The following LYRM4 variants were observed in gnomAD, a reference collection of about 807,000 sequenced individuals.
LYRM4 encodes the protein LYR motif containing 4, also known as LYR motif-containing protein 4.
In LYRM4, 9 loss-of-function variants were observed where a neutral mutation model predicts 11.7. That is an observed-to-expected ratio of 0.77 (90% CI 0.46 to 1.34). LYRM4 has a LOEUF of 1.34. Among genes scored for constraint, LYRM4 ranks in the 40% most tolerant of loss-of-function variants. LYRM4 has a pLI of 0.00. For synonymous variants in LYRM4, 42 were observed against 40.4 expected (o/e 1.04, Z -0.15); for missense variants, 133 against 112.5 (o/e 1.18, Z -0.82).
intron 1 of LYRM4, among the ~76,000 whole-genome samples, chr6:5,221,383 C>T (rs1581536927): frequency 6.6e-6 from 1 of 152,308 alleles, no homozygotes; most frequent in East Asian, 1.9e-4. Context: ...ATAGACTCTT[C>T]CAGTGAATAC....
the LYRM4 span, among the ~76,000 whole-genome samples, chr6:5,064,828 C>T: frequency 6.6e-6 from 1 of 152,082 alleles, no homozygotes; most frequent in East Asian, 1.9e-4. Flanking sequence ...TCACCTAAAA[C>T]ATTCATCGTT....
chr6:5,250,345 A>C (rs1281353864), intron 1 of LYRM4, among the ~76,000 whole-genome samples: 1 of 152,198 alleles, frequency 6.6e-6, no homozygotes, highest in Non-Finnish European at 1.5e-5. Flanking sequence ...ATAACTTTTT[A>C]ACACTTTGCT....
intron 2 of LYRM4, among the ~76,000 whole-genome samples, chr6:5,187,267 G>A (rs1279310931): frequency 1.3e-5 from 2 of 152,146 alleles, no homozygotes; most frequent in African/African-American, 4.8e-5. Context: ...AAGTCGTTCA[G>A]TCCACATTTT....
At chr6:5,037,577 T>A in the LYRM4 span, among the ~76,000 whole-genome samples, 1 of 76,884 alleles carries the variant, frequency 1.3e-5, no homozygotes. Context: ...CACTTCCCAG[T>A]AGGGGCGGCC....
intron 2 of LYRM4, among the ~76,000 whole-genome samples, chr6:5,190,593 C>A (rs1760696141): frequency 6.6e-6 from 1 of 151,994 alleles, no homozygotes; most frequent in Non-Finnish European, 1.5e-5. Context: ...CAGTCATGTG[C>A]CACAAAATAA....
intron 1 of LYRM4, among the ~76,000 whole-genome samples, chr6:5,253,142 TA>T (rs1265025815): frequency 6.6e-6 from 1 of 152,234 alleles, no homozygotes; most frequent in Non-Finnish European, 1.5e-5. Flanking sequence ...AACACATTAA[TA>T]AAAACTCAAA....
chr6:5,208,107 T>C (rs1761799646), intron 2 of LYRM4, among the ~76,000 whole-genome samples: 1 of 152,164 alleles, frequency 6.6e-6, no homozygotes, highest in South Asian at 2.1e-4. Flanking sequence ...TCCTTTCTCT[T>C]AGGAGACACT....
chr6:5,227,818 A>G lies in LYRM4; in HGVS notation c.87-11080T>C, dbSNP rs187668316. ...CTAAACAGTTATAAAAAAGAATGAGATCATGTCCTTTGCAGGGACATGGAT... is the reference window on the plus strand; with the variant it reads ...CTAAACAGTTATAAAAAAGAATGAGGTCATGTCCTTTGCAGGGACATGGAT... On this transcript the variant is annotated intron_variant, in intron 1 of 2. Transcript: ENST00000330636. Among the ~76,000 whole-genome samples the G allele has an allele frequency of 2.8e-3, 421 of 152,316 alleles. 3 individuals are homozygous for G. The highest frequency in any genetic ancestry group is 9.1e-3 in the African/African-American group (377 of 41,558).
At chr6:5,114,841 G>A (rs1010952802) in intron 2 of LYRM4, among the ~76,000 whole-genome samples, 15 of 152,084 alleles carry the variant, frequency 9.9e-5, no homozygotes, top group African/African-American at 3.4e-4. Context: ...CACGTGGCCC[G>A]CAGGCTGTGG....
chr6:5,131,110 G>C (rs1008750076), intron 2 of LYRM4, among the ~76,000 whole-genome samples: 3 of 152,156 alleles, frequency 2.0e-5, no homozygotes, highest in Non-Finnish European at 4.4e-5. Flanking sequence ...ATATGCGGGG[G>C]AAAATTCTAG....
chr6:5,122,964 G>A (rs901952956), intron 2 of LYRM4, among the ~76,000 whole-genome samples: 1 of 152,190 alleles, frequency 6.6e-6, no homozygotes, highest in African/African-American at 2.4e-5. Context: ...TTGTAAACAC[G>A]TGGCCAGCAA....
chr6:5,094,218 A>T, the LYRM4 span, among the ~76,000 whole-genome samples: 2 of 152,222 alleles, frequency 1.3e-5, no homozygotes, highest in African/African-American at 4.8e-5. Context: ...GCAGTGGCTC[A>T]TGCCTGTAAC....
chr6:5,190,230 C>CT (rs145664197), intron 2 of LYRM4, among the ~76,000 whole-genome samples: 9,266 of 147,098 alleles, frequency 0.063, 283 homozygotes, highest in African/African-American at 0.069. Flanking sequence ...TTCCTTGAGG[C>CT]TTTTTTTTTT....
the LYRM4 span, among the ~76,000 whole-genome samples, chr6:5,093,208 G>T: frequency 6.6e-6 from 1 of 152,226 alleles, no homozygotes; most frequent in Admixed American, 6.5e-5. Flanking sequence ...AATTAAAGAT[G>T]AATTTATGTA....
At chr6:5,033,609 C>T in the LYRM4 span, 1 of 152,322 alleles carries the variant, frequency 6.6e-6, no homozygotes, top group African/African-American at 2.4e-5. Flanking sequence ...ACCAGTCTCC[C>T]GTCTTCCTCT....
intron 1 of LYRM4, among the ~76,000 whole-genome samples, chr6:5,220,255 G>A (rs940445616): frequency 6.6e-6 from 1 of 152,146 alleles, no homozygotes; most frequent in Admixed American, 6.5e-5. Context: ...TCCCCTCCCA[G>A]AAACACCAAA....
At position 5,228,284 on chromosome 6, in the gene LYRM4, C is replaced by CT. The variant is rs879832304; in HGVS notation, c.87-11547dup. 5.6e-4 allele frequency among the ~76,000 whole-genome samples: 83 copies of CT among 149,430 alleles called. No individual in the cohort carries two copies. In the East Asian group the frequency reaches 7.6e-3, roughly 14 times the overall value. On this transcript the variant is annotated intron_variant, in intron 1 of 2. Coordinates refer to ENST00000330636, the MANE Select transcript of LYRM4 (RefSeq NM_020408.6). Reference sequence around the variant, plus strand: ...TTCATTACACAATAAGAAAGTCTTTCTTTTTTTTTTGAGATAGAGTCTTGC... The same window carrying CT: ...TTCATTACACAATAAGAAAGTCTTTCTTTTTTTTTTTGAGATAGAGTCTTGC...
intron 2 of LYRM4, 151 bp from the exon 3 acceptor site, chr6:5,109,642 C>G: frequency 1.4e-6 from 1 of 692,348 alleles, no homozygotes; most frequent in Non-Finnish European, 2.5e-6. Flanking sequence ...CAAAGCCGGC[C>G]ACTAGAGCAC....
the LYRM4 span, among the ~76,000 whole-genome samples, chr6:5,091,233 TC>T: frequency 1.3e-5 from 2 of 152,200 alleles, no homozygotes; most frequent in African/African-American, 4.8e-5. Context: ...CAGCTGACAA[TC>T]CGGGCTCATT....
Sources: allele counts gnomAD v4.1 joint callset (sites outside exome capture counted in the v4.1 genomes callset), GRCh38; gene constraint gnomAD v4.1.1; transcripts MANE v1.5; gene names NCBI Gene and HGNC (gene_info 2026-07-23, HGNC 2026-07-21).